The following CPM variants were observed in gnomAD, a reference collection of about 807,000 sequenced individuals.
CPM encodes carboxypeptidase M.
Under a neutral mutation model 46.4 loss-of-function variants are expected in CPM, and 35 were observed. The observed-to-expected ratio is 0.75, with a 90% CI of 0.58 to 1.00. CPM has a LOEUF of 1.00. Ranked by LOEUF, CPM falls within the 50% of genes least tolerant of loss-of-function variation. The pLI, the probability that CPM is intolerant of heterozygous loss-of-function variation, is 0.00. For missense variants in CPM, 422 were observed against 530.4 expected (o/e 0.80, Z 2.01); for synonymous variants, 195 against 195.3 (o/e 1.00, Z 0.01).
intron 7 of CPM, among the ~76,000 whole-genome samples, chr12:68,861,396 G>A (rs1427834104): frequency 2.0e-5 from 3 of 152,184 alleles, no homozygotes; most frequent in African/African-American, 7.2e-5. Context: ...GTTTCAGCAA[G>A]GTAACTTGTG....
At chr12:68,874,891 C>T (rs1393763737) in intron 3 of CPM, among the ~76,000 whole-genome samples, 1 of 152,120 alleles carries the variant, frequency 6.6e-6, no homozygotes, top group African/African-American at 2.4e-5. Context: ...ATACACTCTC[C>T]AGCATGCAAA....
chr12:68,876,513 A>T (rs889773987), intron 3 of CPM, among the ~76,000 whole-genome samples: 8 of 152,250 alleles, frequency 5.3e-5, no homozygotes, highest in African/African-American at 1.9e-4. Context: ...TCCAAATTTT[A>T]AAAAAGAATG....
chr12:68,888,582 CCTGA>C (rs746487879), intron 2 of CPM, among the ~76,000 whole-genome samples: 6 of 152,210 alleles, frequency 3.9e-5, no homozygotes, highest in East Asian at 1.9e-4. Context: ...CTTTTCACAA[CCTGA>C]CTGTCAGGTA....
chr12:68,859,698 GAAA>G (rs1273389028), intron 7 of CPM, among the ~76,000 whole-genome samples: 1 of 152,030 alleles, frequency 6.6e-6, no homozygotes, highest in Non-Finnish European at 1.5e-5. Context: ...TTTTACAGAT[GAAA>G]AAAACTAAGG....
chr12:68,894,195 A>T (rs1886773182), intron 2 of CPM, among the ~76,000 whole-genome samples: 1 of 152,160 alleles, frequency 6.6e-6, no homozygotes, highest in Non-Finnish European at 1.5e-5. Context: ...ATATTTGTTT[A>T]TCTATATACT....
At chr12:68,867,985 G>A (rs1291041002) in intron 6 of CPM, among the ~76,000 whole-genome samples, 1 of 152,114 alleles carries the variant, frequency 6.6e-6, no homozygotes, top group Admixed American at 6.5e-5. Flanking sequence ...ACATTCTTCT[G>A]GGCTCCTCAA....
downstream of CPM, chr12:68,850,427 G>T (rs549514660): frequency 1.3e-5 from 2 of 152,058 alleles, no homozygotes; most frequent in African/African-American, 4.8e-5. Flanking sequence ...AAATTGAGAC[G>T]TCACTTTTTA....
intron 7 of CPM, among the ~76,000 whole-genome samples, chr12:68,865,446 G>C (rs1025742788): frequency 6.6e-6 from 1 of 152,144 alleles, no homozygotes; most frequent in Non-Finnish European, 1.5e-5. Flanking sequence ...CCGAGGAAGG[G>C]TCCTAATCAT....
intron 2 of CPM, among the ~76,000 whole-genome samples, chr12:68,925,019 G>A (rs180942110): frequency 6.1e-4 from 93 of 152,264 alleles, no homozygotes; most frequent in Middle Eastern, 6.8e-3. Context: ...ATGGGAAGGT[G>A]AGAGTTCTTA....
chr12:68,913,609 G>T (rs535833776), intron 2 of CPM, among the ~76,000 whole-genome samples: 3 of 152,170 alleles, frequency 2.0e-5, no homozygotes, highest in Non-Finnish European at 4.4e-5. Context: ...GTAGTTGATG[G>T]GGACTCAAGG....
intron 1 of CPM, among the ~76,000 whole-genome samples, chr12:68,947,233 G>A (rs955416787): frequency 2.6e-5 from 4 of 152,164 alleles, no homozygotes; most frequent in African/African-American, 4.8e-5. Context: ...AGAAAGTCCA[G>A]GCAGAGGAAA....
downstream of CPM, chr12:68,847,854 CAAAA>C (rs146704286): frequency 6.6e-6 from 1 of 152,140 alleles, no homozygotes; most frequent in East Asian, 1.9e-4. Context: ...ATTTAGAAGA[CAAAA>C]AGACAATTTT....
upstream of CPM, among the ~76,000 whole-genome samples, chr12:68,937,747 G>A (rs991816388): frequency 6.6e-6 from 1 of 152,144 alleles, no homozygotes; most frequent in Non-Finnish European, 1.5e-5. Flanking sequence ...TCCACGAGTT[G>A]CAATGTTTTA....
Position 68,891,292 on chromosome 12 carries a change from T to C in CPM, c.161-5403A>G, listed in dbSNP as rs771127380. On this transcript the variant is annotated intron_variant, in intron 2 of 8. Transcript: ENST00000551568. ...CAGAAGAGTTGAAAATCACATATTA[T>C]TTAGGTCAGTTTAAACACTCATTCT... is the stretch of plus-strand genomic sequence containing the variant. 1.2e-3 allele frequency among the ~76,000 whole-genome samples: 178 copies of C among 152,310 alleles called. 3 individuals carry two copies. Among genetic ancestry groups the C allele is most frequent in the Non-Finnish European group, 1.1e-3 (76 of 68,024 alleles).
At chr12:68,869,726 A>AATTAG (rs1565771532) in intron 5 of CPM, among the ~76,000 whole-genome samples, 1 of 152,190 alleles carries the variant, frequency 6.6e-6, no homozygotes. Context: ...TCAGCTTAAA[A>AATTAG]ATTAAGTGTC....
chr12:68,962,001 C>G (rs929437595), intron 1 of CPM, among the ~76,000 whole-genome samples: 2 of 151,924 alleles, frequency 1.3e-5, no homozygotes, highest in Non-Finnish European at 1.5e-5. Flanking sequence ...CAGGTCGAGA[C>G]CATCCTGGCT....
At chr12:68,952,115 T>G (rs1367351717) in intron 1 of CPM, among the ~76,000 whole-genome samples, 1 of 152,244 alleles carries the variant, frequency 6.6e-6, no homozygotes, top group Non-Finnish European at 1.5e-5. Flanking sequence ...TAAGGGTATA[T>G]CCTCTTGAAG....
chr12:68,903,879 A>ATTCTTTCT (rs59823463), intron 2 of CPM, among the ~76,000 whole-genome samples: 3,383 of 140,016 alleles, frequency 0.024, 75 homozygotes, highest in African/African-American at 0.061. Context: ...CCTTTCTCTC[A>ATTCTTTCT]TTCTTTCTTT....
chr12:68,909,093 C>T (rs919844471), intron 2 of CPM, among the ~76,000 whole-genome samples: 2 of 152,198 alleles, frequency 1.3e-5, no homozygotes, highest in Non-Finnish European at 2.9e-5. Flanking sequence ...TAGGTTCTCG[C>T]TCTGTCACCC....
Sources: gnomAD v4.1 joint callset for allele counts (sites outside exome capture counted in the v4.1 genomes callset) on GRCh38, gnomAD v4.1.1 for gene constraint, MANE v1.5 for transcripts, NCBI Gene and HGNC (gene_info 2026-07-23, HGNC 2026-07-21) for gene names.